Variants in NLRP9 observed in about 807,000 individuals in gnomAD.
NLRP9 encodes NACHT, LRR and PYD domains-containing protein 9.
A neutral mutation model predicts 83.1 loss-of-function variants in NLRP9; 88 were observed. The observed-to-expected ratio is 1.06, with a 90% confidence interval of 0.89 to 1.26. NLRP9 has a LOEUF of 1.26. NLRP9 is among the 50% of genes most tolerant of loss of function. NLRP9 has a pLI of 0.00. For missense variants in NLRP9, 1,308 were observed against 1,179.3 expected (o/e 1.11, Z -1.60); for synonymous variants, 521 against 447.6 (o/e 1.16, Z -2.07).
rs1417771750 is a variant in NLRP9, at chr19:55,725,344, A to G, written c.1995-1200T>C. The stretch of plus-strand genomic sequence containing the variant: ...AAACCAGACACACGTAAGAATAAAT[A>G]CATGACACACAGAACTTGCTCTATG... On this transcript the variant is annotated intron_variant, in intron 3 of 8. Transcript: ENST00000332836. Among the ~76,000 whole-genome samples the G allele has an allele frequency of 2.0e-5, 3 of 152,208 alleles. No homozygotes were observed. The East Asian group carries it at 5.8e-4, about 29-fold the overall frequency.
At chr19:55,709,108 C>T in intron 8 of NLRP9, 64 bp from the exon 9 acceptor site, 3 of 1,164,128 alleles carry the variant, frequency 2.6e-6, no homozygotes, top group Non-Finnish European at 3.6e-6. Context: ...TGCCTCTCTA[C>T]ATTCTGATGT....
At position 55,724,074 on chromosome 19, in the gene NLRP9, G is replaced by A. The variant is rs2122311044; in HGVS notation, c.2065C>T (p.Leu689Phe). ...KAVLHNPHLK[L>F]LSLYGTSLSQ... The stretch of plus-strand genomic sequence containing the variant: ...AGGCTAGTGCCGTACAGGCTCAGAA[G>A]TTTCAGATGAGGGTTGTGAAGAACT... Residue 689 changes from leucine to phenylalanine, a missense_variant, in exon 4 of 9, where the codon CTT becomes TTT. Transcript: ENST00000332836. The A allele has an allele frequency of 1.2e-6, 2 of 1,613,538 alleles. No homozygotes were observed. Among genetic ancestry groups the A allele is most frequent in the Non-Finnish European group, 8.5e-7 (1 of 1,179,540 alleles).
At chr19:55,709,194 A>T (rs1004747134) in intron 8 of NLRP9, 150 bp from the exon 9 acceptor site, 4 of 526,554 alleles carry the variant, frequency 7.6e-6, no homozygotes, top group Non-Finnish European at 1.3e-5. Context: ...ACAAGCATGA[A>T]TCTTTCCTAT....
chr19:55,709,928 C>T (rs1987639835), intron 8 of NLRP9: 1 of 152,230 alleles, frequency 6.6e-6, no homozygotes, highest in African/African-American at 2.4e-5. Context: ...CTTCTCCCCT[C>T]TCCCGTGTCC....
chr19:55,715,370 C>T (rs1466450912), intron 5 of NLRP9, 145 bp from the exon 6 acceptor site: 3 of 685,510 alleles, frequency 4.4e-6, no homozygotes, highest in Non-Finnish European at 7.2e-6. Flanking sequence ...TCCAGATGTT[C>T]CTTGAACTCT....
chr19:55,714,296 C>A (rs1987922549), intron 6 of NLRP9, among the ~76,000 whole-genome samples: 1 of 151,702 alleles, frequency 6.6e-6, no homozygotes. Flanking sequence ...TCTAGCTATC[C>A]TCTCATTACC....
In NLRP9 at chr19:55,714,376, C is replaced by T. The variant is rs977414885; in HGVS notation, c.2501+679G>A. Among the ~76,000 whole-genome samples, 9 of 151,548 alleles carry T rather than the reference C, an allele frequency of 5.9e-5. No individual in the cohort carries two copies. The South Asian group carries it at 6.3e-4, about 11-fold the overall frequency. ...TGTGTGTGATTCCAACTGGCCATCTCGATTCTTTAAGGAGGCTCTAGCTAT... is the reference window on the plus strand; with the variant it reads ...TGTGTGTGATTCCAACTGGCCATCTTGATTCTTTAAGGAGGCTCTAGCTAT... On this transcript the variant is annotated intron_variant, in intron 6 of 8. Transcript: ENST00000332836.
intron 6 of NLRP9, among the ~76,000 whole-genome samples, chr19:55,714,609 A>T (rs1229981412): frequency 1.3e-5 from 2 of 151,694 alleles, no homozygotes; most frequent in Middle Eastern, 3.2e-3. Flanking sequence ...AGAAGACACC[A>T]TTCTCTTCTT....
At chr19:55,710,779 C>T (rs928490247) in intron 8 of NLRP9, among the ~76,000 whole-genome samples, 3 of 152,162 alleles carry the variant, frequency 2.0e-5, no homozygotes, top group African/African-American at 7.2e-5. Context: ...AATTAAACCT[C>T]TTTCCTTTAT....
chr19:55,722,763 A>G (rs1279768183), intron 4 of NLRP9, among the ~76,000 whole-genome samples: 3 of 152,220 alleles, frequency 2.0e-5, no homozygotes, highest in Non-Finnish European at 4.4e-5. Flanking sequence ...CCCATCAATG[A>G]TAGACTGGAT....
intron 8 of NLRP9, chr19:55,711,431 C>T (rs1333242638): frequency 7.7e-7 from 1 of 1,298,300 alleles, no homozygotes; most frequent in South Asian, 1.2e-5. Flanking sequence ...ATTCCAGAAG[C>T]CCTTCTGAAG....
chr19:55,718,255 C>G (rs11666002), intron 4 of NLRP9, among the ~76,000 whole-genome samples: 3 of 152,182 alleles, frequency 2.0e-5, no homozygotes, highest in African/African-American at 7.2e-5. Context: ...CTGAGACAGC[C>G]TGAGATATGG....
chr19:55,714,613 T>C (rs1434645341), intron 6 of NLRP9, among the ~76,000 whole-genome samples: 1 of 152,032 alleles, frequency 6.6e-6, no homozygotes, highest in African/African-American at 2.4e-5. Flanking sequence ...GACACCATTC[T>C]CTTCTTGTCT....
intron 8 of NLRP9, 141 bp downstream of exon 8, chr19:55,711,659 G>T: frequency 3.4e-6 from 3 of 894,482 alleles, no homozygotes; most frequent in Non-Finnish European, 5.3e-6. Context: ...ATATTTTATA[G>T]TGTCAACAGG....
At chr19:55,724,722 G>A (rs557624437) in intron 3 of NLRP9, among the ~76,000 whole-genome samples, 23 of 152,112 alleles carry the variant, frequency 1.5e-4, no homozygotes, top group African/African-American at 4.3e-4. Context: ...ATGACCTAAT[G>A]GCTGTGTGGC....
chr19:55,714,556 C>G (rs1047958921), intron 6 of NLRP9, among the ~76,000 whole-genome samples: 4 of 152,014 alleles, frequency 2.6e-5, no homozygotes, highest in Non-Finnish European at 5.9e-5. Context: ...TTCCCAGAAC[C>G]AGGTGGGGTA....
intron 3 of NLRP9, among the ~76,000 whole-genome samples, chr19:55,727,184 G>A (rs1028950934): frequency 4.6e-5 from 7 of 152,134 alleles, no homozygotes; most frequent in Admixed American, 2.0e-4. Flanking sequence ...CCTGGGAGGC[G>A]GAGGTTGCAG....
At chr19:55,716,682 G>GCA (rs1988026359) in intron 5 of NLRP9, 46 bp downstream of exon 5, 4 of 1,529,318 alleles carry the variant, frequency 2.6e-6, no homozygotes, top group Non-Finnish European at 2.7e-6. Context: ...GGATCCAGGT[G>GCA]CACGCTTCAG....
chr19:55,718,586 G>A (rs1988111221), intron 4 of NLRP9, among the ~76,000 whole-genome samples: 1 of 152,206 alleles, frequency 6.6e-6, no homozygotes, highest in Non-Finnish European at 1.5e-5. Context: ...TACGGGCACA[G>A]TACCTTTCCT....
Sources: allele counts gnomAD v4.1 joint callset (sites outside exome capture counted in the v4.1 genomes callset), GRCh38; gene constraint gnomAD v4.1.1; transcripts MANE v1.5; gene names NCBI Gene and HGNC (gene_info 2026-07-23, HGNC 2026-07-21).